HECTD2: variants seen among roughly 807,000 people sequenced by gnomAD.
The protein encoded by HECTD2 is HECT domain E3 ubiquitin protein ligase 2, also known as probable E3 ubiquitin-protein ligase HECTD2.
Under a neutral mutation model 103.2 loss-of-function variants are expected in HECTD2, and 35 were observed. That is an observed-to-expected ratio of 0.34 (90% CI 0.26 to 0.45). The LOEUF (loss-of-function observed/expected upper bound fraction) is 0.45. HECTD2 is among the 20% of genes least tolerant of loss of function. The probability of loss-of-function intolerance (pLI) is 1.00; values close to 1 mark genes in which losing one functional copy is unlikely to be tolerated. For missense variants in HECTD2, 596 were observed against 937.4 expected (o/e 0.64, Z 4.76); for synonymous variants, 281 against 329.9 (o/e 0.85, Z 1.61).
At chr10:91,410,655 G>A (rs1427519496) in intron 1 of HECTD2, 79 bp downstream of exon 1, 1 of 1,272,086 alleles carries the variant, frequency 7.9e-7, no homozygotes, top group Non-Finnish European at 1.0e-6. Flanking sequence ...GGGCCGTCAG[G>A]AGGCCTGCGT....
intron 10 of HECTD2, chr10:91,486,540 T>C (rs1846273684): frequency 6.6e-6 from 1 of 152,142 alleles, no homozygotes; most frequent in Non-Finnish European, 1.5e-5. Context: ...GTAGCCAGCC[T>C]GAACCTAGAG....
intron 2 of HECTD2, among the ~76,000 whole-genome samples, chr10:91,431,387 T>C (rs1843860217): frequency 6.6e-6 from 1 of 152,138 alleles, no homozygotes; most frequent in African/African-American, 2.4e-5. Flanking sequence ...GGAGTATCTT[T>C]GTGGAGTTCT....
Position 91,450,555 on chromosome 10 carries a change from C to T in HECTD2, c.269-9872C>T, listed in dbSNP as rs183251875. ...CTTATTAAACTAAAGAGCTTCTAAA[C>T]AGTAAAAGAAACTATCATCAGAGTG... is the stretch of plus-strand genomic sequence containing the variant. On this transcript the variant is annotated intron_variant, in intron 2 of 20. Transcript: ENST00000298068. Among the ~76,000 whole-genome samples, 156 of 151,994 alleles carry T rather than the reference C, an allele frequency of 1.0e-3. 1 individual carries two copies. The highest frequency in any genetic ancestry group is 3.7e-3 in the African/African-American group (154 of 41,426).
chr10:91,483,512 C>T (rs12359578), intron 8 of HECTD2, among the ~76,000 whole-genome samples: 6,359 of 151,886 alleles, frequency 0.042, 207 homozygotes, highest in Non-Finnish European at 0.068. Flanking sequence ...ATAGGCTAGC[C>T]ATCAATATCA....
intron 20 of HECTD2, among the ~76,000 whole-genome samples, chr10:91,502,857 T>C (rs1242323959): frequency 6.6e-6 from 1 of 152,204 alleles, no homozygotes; most frequent in African/African-American, 2.4e-5. Context: ...TGAGCTAACA[T>C]GGCTTCAACA....
chr10:91,484,321 T>C (rs1339998831), intron 8 of HECTD2, 186 bp from the exon 9 acceptor site: 1 of 1,309,390 alleles, frequency 7.6e-7, no homozygotes. Context: ...TGTTTATTTC[T>C]CATTTAACGA....
chr10:91,422,269 C>T (rs879649299), intron 1 of HECTD2, among the ~76,000 whole-genome samples: 3 of 152,128 alleles, frequency 2.0e-5, no homozygotes, highest in Non-Finnish European at 4.4e-5. Context: ...AACTACACTG[C>T]TCCCTAAATA....
chr10:91,430,136 A>T (rs1279464991), intron 2 of HECTD2, among the ~76,000 whole-genome samples: 1 of 152,106 alleles, frequency 6.6e-6, no homozygotes, highest in Non-Finnish European at 1.5e-5. Context: ...TTCGTTATGT[A>T]CCCAGTAGTC....
chr10:91,440,119 A>T (rs1844337765), intron 2 of HECTD2, among the ~76,000 whole-genome samples: 2 of 152,106 alleles, frequency 1.3e-5, no homozygotes, highest in Non-Finnish European at 2.9e-5. Flanking sequence ...TAATATGTTG[A>T]ATAAGAGTAG....
chr10:91,476,016 T>C (rs979259414), intron 5 of HECTD2, among the ~76,000 whole-genome samples: 1 of 152,204 alleles, frequency 6.6e-6, no homozygotes, highest in Admixed American at 6.5e-5. Context: ...CAAAGGAGTC[T>C]AGTTGATACA....
intron 2 of HECTD2, among the ~76,000 whole-genome samples, chr10:91,450,187 A>G (rs1034241001): frequency 6.6e-6 from 1 of 152,162 alleles, no homozygotes; most frequent in African/African-American, 2.4e-5. Flanking sequence ...ATATAAACCA[A>G]TGGAACAGCA....
At chr10:91,434,733 A>G (rs1304723188) in intron 2 of HECTD2, among the ~76,000 whole-genome samples, 2 of 151,942 alleles carry the variant, frequency 1.3e-5, no homozygotes, top group African/African-American at 4.8e-5. Flanking sequence ...GGCATTGTTC[A>G]ATAGTGGGAA....
intron 11 of HECTD2, among the ~76,000 whole-genome samples, chr10:91,490,890 C>CAA (rs61035151): frequency 0.11 from 1,541 of 13,514 alleles, 436 homozygotes; most frequent in African/African-American, 0.31. Context: ...GACTCCGTCT[C>CAA]AAAAAAAAAA....
chr10:91,430,174 T>C (rs1218441585), intron 2 of HECTD2, among the ~76,000 whole-genome samples: 1 of 152,214 alleles, frequency 6.6e-6, no homozygotes, highest in African/African-American at 2.4e-5. Context: ...TCAGTTTCCA[T>C]GTAGTTGAGC....
At chr10:91,482,408 AGTT>A (rs1388458811) in intron 7 of HECTD2, among the ~76,000 whole-genome samples, 1 of 151,956 alleles carries the variant, frequency 6.6e-6, no homozygotes, top group Non-Finnish European at 1.5e-5. Context: ...ATCATTTAAA[AGTT>A]GTCAGAAGCT....
chr10:91,497,126 AT>A (rs56923120), intron 15 of HECTD2, among the ~76,000 whole-genome samples: 2,449 of 97,328 alleles, frequency 0.025, 83 homozygotes, highest in African/African-American at 0.089. Flanking sequence ...TGCCCGGCAA[AT>A]TTTTTTTTTT....
Position 91,456,099 on chromosome 10 carries a change from A to G in HECTD2, c.269-4328A>G, listed in dbSNP as rs191707952. 9.8e-5 allele frequency among the ~76,000 whole-genome samples: 15 copies of G among 152,286 alleles called. No homozygotes were observed. The East Asian group carries it at 1.7e-3, about 18-fold the overall frequency. ...ATGAACTTTAAAGTAGTTTTTTCCA[A>G]TTCTGTGAAGAAAGCCATTGGTAGC... On this transcript the variant is annotated intron_variant, in intron 2 of 20. Coordinates refer to ENST00000298068, the MANE Select transcript of HECTD2 (RefSeq NM_182765.6).
chr10:91,493,338 T>G, intron 13 of HECTD2, 82 bp from the exon 14 acceptor site: 11 of 602,732 alleles, frequency 1.8e-5, no homozygotes, highest in Non-Finnish European at 2.8e-5. Context: ...TTCTAATAGA[T>G]GAGATGTCAT....
rs1262664027 is a variant in HECTD2 at position 91,514,069 on chromosome 10, C to A, written c.*1685C>A. 2 of 152,620 alleles carry A rather than the reference C, an allele frequency of 1.3e-5. No homozygotes were observed. The highest frequency in any genetic ancestry group is 3.8e-4 in the East Asian group (2 of 5,204). 9.5% of individuals were successfully genotyped at this position (152,620 alleles called of 1,614,324 possible). ...CATATGCAAATAAAACTGCTTCTCT[C>A]TTACACTGCTTGAACTAGAAAATCA... On this transcript the variant is annotated 3_prime_UTR_variant, in exon 21 of 21. Transcript: ENST00000298068.
Sources: allele counts gnomAD v4.1 joint callset (sites outside exome capture counted in the v4.1 genomes callset), GRCh38; gene constraint gnomAD v4.1.1; transcripts MANE v1.5; gene names NCBI Gene and HGNC (gene_info 2026-07-23, HGNC 2026-07-21).